Variants in NAALADL2 observed in about 807,000 individuals in gnomAD.
NAALADL2 encodes the protein inactive N-acetylated-alpha-linked acidic dipeptidase-like protein 2.
In NAALADL2, 76 loss-of-function variants were observed where a neutral mutation model predicts 87.2. The ratio of observed to expected loss-of-function variants is 0.87; its 90% confidence interval spans 0.72 to 1.05. The LOEUF is 1.05. NAALADL2 is among the 50% of genes least tolerant of loss of function. NAALADL2 has a pLI of 0.00. For synonymous variants in NAALADL2, 354 were observed against 331.0 expected, an observed-to-expected ratio of 1.07 and a Z score of -0.75; for missense variants, 1,089 against 945.8, an observed-to-expected ratio of 1.15 and a Z score of -1.99.
At chr3:174,687,940 G>A (rs75798845) in intron 2 of NAALADL2, among the ~76,000 whole-genome samples, 3,781 of 152,172 alleles carry the variant, frequency 0.025, 65 homozygotes, top group Non-Finnish European at 0.038. Flanking sequence ...CTTTCACTAC[G>A]ATTATGAGGC....
intron 3 of NAALADL2, among the ~76,000 whole-genome samples, chr3:174,783,117 G>C (rs1407991178): frequency 6.6e-6 from 1 of 152,128 alleles, no homozygotes; most frequent in Non-Finnish European, 1.5e-5. Context: ...CTGTCTATTG[G>C]AGATAACATT....
intron 5 of NAALADL2, among the ~76,000 whole-genome samples, chr3:175,429,681 G>A (rs1717428522): frequency 6.6e-6 from 1 of 151,928 alleles, no homozygotes; most frequent in South Asian, 2.1e-4. Flanking sequence ...AATTCATGGA[G>A]GTTTTTATTA....
At chr3:175,570,394 C>T (rs1717877348) in intron 9 of NAALADL2, among the ~76,000 whole-genome samples, 1 of 152,162 alleles carries the variant, frequency 6.6e-6, no homozygotes, top group African/African-American at 2.4e-5. Flanking sequence ...ATCTGGGCAT[C>T]CCATGGCCCA....
intron 1 of NAALADL2, among the ~76,000 whole-genome samples, chr3:175,038,908 T>C (rs1274325767): frequency 6.6e-6 from 1 of 152,098 alleles, no homozygotes; most frequent in Non-Finnish European, 1.5e-5. Flanking sequence ...AAATTGGTAC[T>C]GTCCAAACCA....
intron 2 of NAALADL2, among the ~76,000 whole-genome samples, chr3:174,715,854 G>T (rs2108932884): frequency 6.6e-6 from 1 of 152,116 alleles, no homozygotes; most frequent in Middle Eastern, 3.4e-3. Flanking sequence ...GCTTATTACA[G>T]GTATTTTTCT....
intron 2 of NAALADL2, among the ~76,000 whole-genome samples, chr3:174,568,170 T>C (rs1336355098): frequency 6.6e-6 from 1 of 151,746 alleles, no homozygotes; most frequent in Non-Finnish European, 1.5e-5. Context: ...TACTAATCTA[T>C]TTTTCTGTCC....
intron 2 of NAALADL2, among the ~76,000 whole-genome samples, chr3:174,720,535 A>G (rs1056690233): frequency 3.3e-5 from 5 of 152,232 alleles, no homozygotes; most frequent in African/African-American, 1.2e-4. Flanking sequence ...ATAAATTTAT[A>G]TAATGCTGTG....
At chr3:174,980,341 T>A (rs2108648773) in intron 1 of NAALADL2, among the ~76,000 whole-genome samples, 1 of 152,260 alleles carries the variant, frequency 6.6e-6, no homozygotes, top group African/African-American at 2.4e-5. Flanking sequence ...AATATTAAAA[T>A]GGTAATTATA....
intron 11 of NAALADL2, among the ~76,000 whole-genome samples, chr3:175,726,573 A>G (rs1189754555): frequency 1.3e-5 from 2 of 152,146 alleles, no homozygotes; most frequent in African/African-American, 4.8e-5. Flanking sequence ...TCAGTCATCC[A>G]CAGTGGTAGC....
intron 7 of NAALADL2, among the ~76,000 whole-genome samples, chr3:175,465,178 G>C (rs971974834): frequency 1.3e-5 from 2 of 151,642 alleles, no homozygotes; most frequent in Admixed American, 1.3e-4. Flanking sequence ...CGTGAACCCG[G>C]GAGGCGGAGC....
At chr3:174,923,138 A>G (rs1735479641) in intron 1 of NAALADL2, among the ~76,000 whole-genome samples, 1 of 152,188 alleles carries the variant, frequency 6.6e-6, no homozygotes. Flanking sequence ...GTCTTGTGGT[A>G]ATAGAATTTA....
At chr3:175,441,472 G>C (rs762738188) in intron 5 of NAALADL2, among the ~76,000 whole-genome samples, 4 of 152,090 alleles carry the variant, frequency 2.6e-5, no homozygotes. Flanking sequence ...AATGATTTAC[G>C]CCAGTGCTGA....
At chr3:174,607,346 G>T (rs201367811) in intron 2 of NAALADL2, among the ~76,000 whole-genome samples, 9 of 151,520 alleles carry the variant, frequency 5.9e-5, no homozygotes, top group Non-Finnish European at 1.0e-4. Flanking sequence ...TGGACTAAAT[G>T]CTCCAATTAA....
chr3:175,450,350 A>T (rs1229065245), intron 6 of NAALADL2, among the ~76,000 whole-genome samples: 1 of 152,162 alleles, frequency 6.6e-6, no homozygotes, highest in Non-Finnish European at 1.5e-5. Flanking sequence ...TAATTATAAC[A>T]TATTGTTAAA....
intron 1 of NAALADL2, among the ~76,000 whole-genome samples, chr3:175,085,647 A>G (rs1462690600): frequency 1.3e-5 from 2 of 152,132 alleles, no homozygotes; most frequent in East Asian, 1.9e-4. Flanking sequence ...TATTTTTGCC[A>G]GTCGCGGTGG....
At chr3:175,092,989 T>G (rs1206795603) in intron 1 of NAALADL2, among the ~76,000 whole-genome samples, 4 of 152,012 alleles carry the variant, frequency 2.6e-5, no homozygotes, top group South Asian at 4.1e-4. Context: ...TGTCACAAGT[T>G]TCTATAAATT....
In NAALADL2 at chr3:175,574,366, T is replaced by TC. The variant is rs547526840; in HGVS notation, c.1654-1675_1654-1674insC. Among the ~76,000 whole-genome samples the TC allele has an allele frequency of 9.0e-4, 137 of 152,254 alleles. No homozygotes were observed. The South Asian group carries it at 0.021, about 23-fold the overall frequency. Reference sequence around the variant, plus strand: ...CCACTCAGTTCTCAATCAGGCCTGTTTATGCAAATGAAGGATTCAAACTTG... The same window carrying TC: ...CCACTCAGTTCTCAATCAGGCCTGTTCTATGCAAATGAAGGATTCAAACTTG... On this transcript the variant is annotated intron_variant, in intron 9 of 13. Transcript: ENST00000454872.
Position 174,760,205 on chromosome 3 carries a change from T to C in NAALADL2, c.-9+22459T>C, listed in dbSNP as rs374107550. ...CAGTAGGTACCCATAGGCCTAGTCA[T>C]TCAGGTGTCTCCTCCATATCTCCAT... On this transcript the variant is annotated intron_variant, in intron 3 of 3. Coordinates refer to the NAALADL2 transcript ENST00000434257. Among the ~76,000 whole-genome samples, 3 of 152,176 alleles carry C rather than the reference T, an allele frequency of 2.0e-5. No individual in the cohort carries two copies. In the East Asian group the frequency reaches 5.8e-4, roughly 29 times the overall value.
chr3:175,554,528 T>C (rs967418207), intron 9 of NAALADL2, among the ~76,000 whole-genome samples: 4 of 152,074 alleles, frequency 2.6e-5, no homozygotes. Context: ...ATATAGGTAA[T>C]GATATAGTCA....
Sources: allele counts gnomAD v4.1 joint callset (sites outside exome capture counted in the v4.1 genomes callset), GRCh38; gene constraint gnomAD v4.1.1; transcripts MANE v1.5; gene names NCBI Gene and HGNC (gene_info 2026-07-23, HGNC 2026-07-21).